The following KLHL4 variants were observed in gnomAD, a reference collection of about 807,000 sequenced individuals.
The protein encoded by KLHL4 is kelch like family member 4.
In KLHL4, 17 loss-of-function variants were observed where a neutral mutation model predicts 45.8. The ratio of observed to expected loss-of-function variants is 0.37; its 90% CI spans 0.25 to 0.56. The LOEUF (loss-of-function observed/expected upper bound fraction) is 0.56. KLHL4 is among the 20% of genes least tolerant of loss of function. The pLI is 0.79. For synonymous variants in KLHL4, 224 were observed against 189.9 expected, an observed-to-expected ratio of 1.18 and a Z score of -1.47; for missense variants, 544 against 544.9, an observed-to-expected ratio of 1.00 and a Z score of 0.02.
rs753662264 is a variant in KLHL4 at position 87,527,731 on chromosome X, C to T, written c.422+9416C>T. ...AGAGCTCCACAGCCTAGGCCACTGA[C>T]ATATATACCATATAAAAGTGACACC... On this transcript the variant is annotated intron_variant, in intron 1 of 10. Coordinates refer to ENST00000373119, the MANE Select transcript of KLHL4 (RefSeq NM_019117.5). Among the ~76,000 whole-genome samples the T allele has an allele frequency of 2.8e-5, 3 of 106,522 alleles. No individual in the cohort carries two copies. In the South Asian group the frequency reaches 1.3e-3, roughly 45 times the overall value. 92.5% of individuals were successfully genotyped at this position (106,522 alleles called of 115,157 possible).
At chrX:87,630,881 C>CAGAAATCAAAGACATGGACACACAAAG (rs1368501593) in intron 6 of KLHL4, among the ~76,000 whole-genome samples, 1 of 111,686 alleles carries the variant, frequency 9.0e-6, no homozygotes, top group Non-Finnish European at 1.9e-5. Flanking sequence ...CTCTTGGCCA[C>CAGAAATCAAAGACATGGACACACAAAG]AGAAATCAAA....
At chrX:87,597,829 A>AATTGAATAAATCAGTATTGTC (rs1401206256) in intron 1 of KLHL4, among the ~76,000 whole-genome samples, 1 of 111,176 alleles carries the variant, frequency 9.0e-6, no homozygotes, top group Non-Finnish European at 1.9e-5. Context: ...ATATTTGCTA[A>AATTGAATAAATCAGTATTGTC]ATTGAATAAA....
chrX:87,567,850 G>T (rs1932246813), intron 1 of KLHL4, among the ~76,000 whole-genome samples: 1 of 110,559 alleles, frequency 9.0e-6, no homozygotes, highest in African/African-American at 3.3e-5. Context: ...ACTGCCTAAT[G>T]GGTGTTGTGC....
At chrX:87,560,572 A>G (rs980620242) in intron 1 of KLHL4, among the ~76,000 whole-genome samples, 1 of 111,197 alleles carries the variant, frequency 9.0e-6, no homozygotes, top group East Asian at 2.8e-4. Flanking sequence ...TTATTCATAT[A>G]TAACTGAGAT....
Position 87,518,077 on chromosome X carries a change from C to T in KLHL4, c.184C>T (p.Leu62=), listed in dbSNP as rs74996043. Residue 62 remains leucine, a synonymous_variant, in exon 1 of 11, where the codon CTG becomes TTG. Coordinates refer to ENST00000373119, the MANE Select transcript of KLHL4 (RefSeq NM_019117.5). ...LKSHSRDRNG[L]KKSNSPVHHN... is the part of the protein sequence containing the mutation. ...GAGCCACTCTCGGGACAGAAACGGA[C>T]TGAAGAAAAGCAACAGTCCTGTCCA... 203 of 1,210,062 alleles carry T rather than the reference C, an allele frequency of 1.7e-4. No individual in the cohort carries two copies. The African/African-American group carries it at 3.4e-3, about 20-fold the overall frequency.
intron 5 of KLHL4, among the ~76,000 whole-genome samples, chrX:87,625,329 C>T (rs1190038617): frequency 8.9e-6 from 1 of 111,941 alleles, no homozygotes; most frequent in Non-Finnish European, 1.9e-5. Context: ...CTCCCGGGCT[C>T]AAACGATCAA....
chrX:87,633,563 G>A (rs1243349166), intron 7 of KLHL4, among the ~76,000 whole-genome samples, 186 bp from the exon 8 acceptor site: 1 of 111,679 alleles, frequency 9.0e-6, no homozygotes, highest in African/African-American at 3.3e-5. Context: ...AACTAAAACT[G>A]AAAGTTTCAC....
intron 9 of KLHL4, among the ~76,000 whole-genome samples, chrX:87,646,794 T>A (rs959072809): frequency 9.0e-6 from 1 of 111,517 alleles, no homozygotes; most frequent in Non-Finnish European, 1.9e-5. Flanking sequence ...AACCATAAAA[T>A]TTCTAGATGG....
intron 1 of KLHL4, among the ~76,000 whole-genome samples, chrX:87,551,757 C>T (rs1286394859): frequency 9.0e-6 from 1 of 111,588 alleles, no homozygotes; most frequent in African/African-American, 3.3e-5. Flanking sequence ...AAAATATTTA[C>T]AGCCAACTGA....
At chrX:87,615,849 A>G (rs1315822717) in intron 3 of KLHL4, among the ~76,000 whole-genome samples, 1 of 111,294 alleles carries the variant, frequency 9.0e-6, no homozygotes, top group Non-Finnish European at 1.9e-5. Flanking sequence ...GTTAATAGGT[A>G]TGGAGTTCCT....
chrX:87,625,333 C>T (rs1922890552), intron 5 of KLHL4, among the ~76,000 whole-genome samples: 1 of 111,921 alleles, frequency 8.9e-6, no homozygotes, highest in Non-Finnish European at 1.9e-5. Flanking sequence ...CGGGCTCAAA[C>T]GATCAACCCA....
intron 1 of KLHL4, among the ~76,000 whole-genome samples, chrX:87,597,242 G>A (rs1176446987): frequency 1.8e-5 from 2 of 111,430 alleles, no homozygotes; most frequent in Non-Finnish European, 3.8e-5. Flanking sequence ...ATCACTCACT[G>A]TTAAGTGTGA....
At chrX:87,518,908 T>A (rs759575262) in intron 1 of KLHL4, among the ~76,000 whole-genome samples, 3 of 112,437 alleles carry the variant, frequency 2.7e-5, no homozygotes, top group Non-Finnish European at 5.6e-5. Context: ...GGTAATAAGA[T>A]GCTACTTACA....
At chrX:87,530,092 A>G (rs1392769746) in intron 1 of KLHL4, among the ~76,000 whole-genome samples, 1 of 110,943 alleles carries the variant, frequency 9.0e-6, no homozygotes, top group African/African-American at 3.3e-5. Context: ...CTCTGATGGT[A>G]GTTTCTTTTG....
chrX:87,545,238 T>C (rs1204024300), intron 1 of KLHL4, among the ~76,000 whole-genome samples: 2 of 112,149 alleles, frequency 1.8e-5, no homozygotes, highest in African/African-American at 3.2e-5. Context: ...TATTTGAAAA[T>C]ACACAGTCAG....
intron 1 of KLHL4, among the ~76,000 whole-genome samples, chrX:87,588,588 T>C (rs925148671): frequency 2.7e-5 from 3 of 111,321 alleles, no homozygotes; most frequent in Non-Finnish European, 5.7e-5. Flanking sequence ...AACCTGGATA[T>C]CTATGTTCAG....
chrX:87,551,853 T>G (rs1423532006), intron 1 of KLHL4, among the ~76,000 whole-genome samples: 1 of 111,489 alleles, frequency 9.0e-6, no homozygotes, highest in Admixed American at 9.6e-5. Context: ...TAGCCACATG[T>G]TGGAGAATGA....
intron 1 of KLHL4, among the ~76,000 whole-genome samples, chrX:87,543,025 G>A (rs951771622): frequency 7.2e-5 from 8 of 110,854 alleles, no homozygotes; most frequent in African/African-American, 1.3e-4. Flanking sequence ...GGGAGTTATC[G>A]GGAGATGATT....
Position 87,636,960 on chromosome X carries a change from A to G in KLHL4, c.1925+1185A>G, listed in dbSNP as rs191114058. ...ATGGCCCTGCCCACTGCCTAAGCCTAAGGCAAAGTTGTATCCTTCCTATAC... is the reference window on the plus strand; with the variant it reads ...ATGGCCCTGCCCACTGCCTAAGCCTGAGGCAAAGTTGTATCCTTCCTATAC... On this transcript the variant is annotated intron_variant, in intron 9 of 10. Coordinates refer to ENST00000373119, the MANE Select transcript of KLHL4 (RefSeq NM_019117.5). 9.5e-4 allele frequency among the ~76,000 whole-genome samples: 106 copies of G among 111,633 alleles called. 1 individual carries two copies. Among genetic ancestry groups the G allele is most frequent in the African/African-American group, 3.3e-3 (101 of 30,695 alleles).
Sources: gnomAD v4.1 joint callset for allele counts (sites outside exome capture counted in the v4.1 genomes callset) on GRCh38, gnomAD v4.1.1 for gene constraint, MANE v1.5 for transcripts, NCBI Gene and HGNC (gene_info 2026-07-23, HGNC 2026-07-21) for gene names.